The following NRXN1 variants were observed in gnomAD, a reference collection of about 807,000 sequenced individuals.
NRXN1 encodes neurexin 1.
A neutral mutation model predicts 150.9 loss-of-function variants in NRXN1; 39 were observed. That is an observed-to-expected ratio of 0.26 (90% CI 0.20 to 0.34). The LOEUF (loss-of-function observed/expected upper bound fraction) is 0.34. NRXN1 is among the 10% of genes least tolerant of loss of function. The pLI is 1.00. For synonymous variants in NRXN1, 924 were observed against 757.0 expected (o/e 1.22, Z -3.62); for missense variants, 1,815 against 1,949.9 (o/e 0.93, Z 1.30).
intron 15 of NRXN1, 56 bp downstream of exon 15, chr2:50,495,849 T>G: frequency 1.4e-6 from 2 of 1,456,174 alleles, no homozygotes; most frequent in Non-Finnish European, 1.8e-6. Flanking sequence ...GGATTTTCCA[T>G]GTGAAGGGAG....
chr2:50,951,495 T>C (rs1233316523), intron 2 of NRXN1, among the ~76,000 whole-genome samples: 1 of 152,166 alleles, frequency 6.6e-6, no homozygotes, highest in Non-Finnish European at 1.5e-5. Flanking sequence ...TTGGCACACC[T>C]TTATATAGTT....
At chr2:50,974,782 C>T (rs530096799) in intron 2 of NRXN1, among the ~76,000 whole-genome samples, 1 of 151,960 alleles carries the variant, frequency 6.6e-6, no homozygotes. Context: ...AACTACAGTG[C>T]CTAATAATTT....
intron 17 of NRXN1, among the ~76,000 whole-genome samples, chr2:50,453,063 A>T: frequency 6.6e-6 from 1 of 152,220 alleles, no homozygotes; most frequent in East Asian, 1.9e-4. Flanking sequence ...AAACCCTCTC[A>T]TAAATGTTGC....
chr2:50,266,764 T>C (rs1346699078), intron 17 of NRXN1, among the ~76,000 whole-genome samples: 4 of 152,070 alleles, frequency 2.6e-5, no homozygotes, highest in African/African-American at 4.8e-5. Flanking sequence ...CTGGCATTAA[T>C]GACTCCGCTG....
intron 17 of NRXN1, among the ~76,000 whole-genome samples, chr2:50,298,204 GTCCCAATATCT>G (rs2073808852): frequency 6.6e-6 from 1 of 152,082 alleles, no homozygotes; most frequent in Non-Finnish European, 1.5e-5. Context: ...TTTCTTCAGG[GTCCCAATATCT>G]TTACCACTGA....
intron 5 of NRXN1, among the ~76,000 whole-genome samples, chr2:50,735,149 T>A (rs1698573675): frequency 6.6e-6 from 1 of 152,194 alleles, no homozygotes; most frequent in Non-Finnish European, 1.5e-5. Context: ...GCCTTTCGTT[T>A]ATTGCCAATC....
intron 5 of NRXN1, among the ~76,000 whole-genome samples, chr2:50,649,446 T>C (rs1438742332): frequency 6.6e-6 from 1 of 151,986 alleles, no homozygotes; most frequent in Non-Finnish European, 1.5e-5. Flanking sequence ...TCCCAAAACT[T>C]CACTAGGGGA....
intron 2 of NRXN1, among the ~76,000 whole-genome samples, chr2:50,972,764 C>G (rs1575095076): frequency 6.6e-6 from 1 of 152,058 alleles, no homozygotes; most frequent in East Asian, 1.9e-4. Flanking sequence ...TTATGACAAT[C>G]TAATGCTGCC....
intron 5 of NRXN1, among the ~76,000 whole-genome samples, chr2:50,677,327 T>C (rs181459654): frequency 6.6e-6 from 1 of 152,290 alleles, no homozygotes; most frequent in East Asian, 1.9e-4. Flanking sequence ...CTTTGGCATG[T>C]CTGTGTGCAG....
chr2:50,652,882 G>A (rs897793467), intron 5 of NRXN1, among the ~76,000 whole-genome samples: 5 of 152,050 alleles, frequency 3.3e-5, no homozygotes, highest in African/African-American at 1.2e-4. Context: ...AGCCATCCTA[G>A]CTGGCGTGAA....
intron 2 of NRXN1, among the ~76,000 whole-genome samples, chr2:50,934,041 A>AC (rs1260321345): frequency 6.6e-6 from 1 of 152,080 alleles, no homozygotes. Context: ...ATCAAGCCAC[A>AC]CCTCATTATA....
At position 50,301,760 on chromosome 2, in the gene NRXN1, C is replaced by G. The variant is rs537854019; in HGVS notation, c.3365-64790G>C. ...ATTGAAAAGGAGCACAGATGAACAG[C>G]ATGAAGAATCAAGATGAGGCCCATT... On this transcript the variant is annotated intron_variant, in intron 17 of 22. Transcript: ENST00000401669. Among the ~76,000 whole-genome samples, 9 of 152,314 alleles carry G rather than the reference C, an allele frequency of 5.9e-5. No homozygotes were observed. In the South Asian group the frequency reaches 1.9e-3, roughly 32 times the overall value.
intron 5 of NRXN1, among the ~76,000 whole-genome samples, chr2:50,689,346 C>G (rs971340300): frequency 1.3e-5 from 2 of 151,986 alleles, no homozygotes; most frequent in African/African-American, 4.8e-5. Context: ...CAAAACAAAA[C>G]CAGTTTTATA....
intron 10 of NRXN1, 46 bp from the exon 11 acceptor site, chr2:50,531,476 C>G: frequency 7.1e-7 from 1 of 1,403,524 alleles, no homozygotes; most frequent in Non-Finnish European, 9.9e-7. Context: ...TGGTATAGCG[C>G]ATTAATACTT....
chr2:50,972,474 G>A (rs965926101), intron 2 of NRXN1, among the ~76,000 whole-genome samples: 1 of 152,038 alleles, frequency 6.6e-6, no homozygotes, highest in Non-Finnish European at 1.5e-5. Flanking sequence ...GTTTTGTGGA[G>A]GAAAATCCAT....
At chr2:51,023,193 A>G (rs1313264082) in intron 2 of NRXN1, among the ~76,000 whole-genome samples, 3 of 152,166 alleles carry the variant, frequency 2.0e-5, no homozygotes, top group African/African-American at 7.2e-5. Context: ...CCCCCTTTCA[A>G]TCTGTTCTCT....
intron 21 of NRXN1, among the ~76,000 whole-genome samples, chr2:49,965,751 T>C (rs865840579): frequency 6.6e-6 from 1 of 152,216 alleles, no homozygotes; most frequent in Admixed American, 6.5e-5. Context: ...GGTAAGAATG[T>C]TTCTGAGGCT....
At chr2:50,076,841 T>C (rs1245509534) in intron 19 of NRXN1, among the ~76,000 whole-genome samples, 1 of 152,162 alleles carries the variant, frequency 6.6e-6, no homozygotes, top group Non-Finnish European at 1.5e-5. Flanking sequence ...TAAACAGCCC[T>C]TACAGATCTG....
intron 5 of NRXN1, among the ~76,000 whole-genome samples, chr2:50,636,298 CGA>C (rs1221417568): frequency 6.6e-6 from 1 of 152,172 alleles, no homozygotes; most frequent in African/African-American, 2.4e-5. Context: ...CTAAGAATTA[CGA>C]GAGTGAAACA....
Sources: gnomAD v4.1 joint callset for allele counts (sites outside exome capture counted in the v4.1 genomes callset) on GRCh38, gnomAD v4.1.1 for gene constraint, MANE v1.5 for transcripts, NCBI Gene and HGNC (gene_info 2026-07-23, HGNC 2026-07-21) for gene names.